Variants in LRRTM4 observed in about 807,000 individuals in gnomAD.
LRRTM4 encodes leucine rich repeat transmembrane neuronal 4, also known as leucine-rich repeat transmembrane neuronal protein 4.
LRRTM4 carries 25 observed loss-of-function variants against 47.6 expected under a neutral mutation model. That is an observed-to-expected ratio of 0.53 (90% CI 0.38 to 0.73). The LOEUF (loss-of-function observed/expected upper bound fraction) is 0.73, where lower values mean the gene tolerates loss of function less well. Among genes scored for constraint, LRRTM4 ranks in the 30% least tolerant of loss-of-function variants. The pLI, the probability that LRRTM4 is intolerant of heterozygous loss-of-function variation, is 0.00. For missense variants in LRRTM4, 638 were observed against 713.4 expected (o/e 0.89, Z 1.20); for synonymous variants, 311 against 269.5 (o/e 1.15, Z -1.51).
chr2:76,839,449 G>A (rs898198903), intron 3 of LRRTM4, among the ~76,000 whole-genome samples: 3 of 152,024 alleles, frequency 2.0e-5, no homozygotes, highest in African/African-American at 7.2e-5. Context: ...CATTACTTTT[G>A]CTATATAGTA....
At chr2:77,277,563 G>A (rs769914237) in intron 3 of LRRTM4, among the ~76,000 whole-genome samples, 13 of 151,948 alleles carry the variant, frequency 8.6e-5, no homozygotes, top group Non-Finnish European at 1.6e-4. Context: ...GAAAGTGAAG[G>A]GGGATATCCT....
chr2:77,477,129 A>G (rs1677431499), intron 3 of LRRTM4, among the ~76,000 whole-genome samples: 2 of 152,152 alleles, frequency 1.3e-5, no homozygotes, highest in South Asian at 4.1e-4. Flanking sequence ...ATAGGAAGAC[A>G]GAGTGTAGAC....
chr2:77,087,986 T>A (rs1263048748), intron 3 of LRRTM4, among the ~76,000 whole-genome samples: 1 of 151,688 alleles, frequency 6.6e-6, no homozygotes, highest in Non-Finnish European at 1.5e-5. Flanking sequence ...ACCCCAGAGA[T>A]GCACAGGTGA....
chr2:76,840,977 T>C (rs1048400272), intron 3 of LRRTM4, among the ~76,000 whole-genome samples: 1 of 151,094 alleles, frequency 6.6e-6, no homozygotes, highest in African/African-American at 2.5e-5. Context: ...CATGCACACG[T>C]ATGTTTATTG....
chr2:77,168,881 T>C (rs557257167), intron 3 of LRRTM4, among the ~76,000 whole-genome samples: 3 of 152,294 alleles, frequency 2.0e-5, no homozygotes, highest in Non-Finnish European at 2.9e-5. Flanking sequence ...TACTCCACCA[T>C]AATCAAGTGA....
chr2:76,748,468 T>C lies in LRRTM4; in HGVS notation c.*227A>G, dbSNP rs1163319784. The stretch of plus-strand genomic sequence containing the variant: ...TCCGGGAGCATTTTTGTTTGTTTTA[T>C]GTTTTAAAGCAAAGAAAGTTCTGCA... On this transcript the variant is annotated 3_prime_UTR_variant, in exon 4 of 4. Coordinates refer to ENST00000409884, the MANE Select transcript of LRRTM4 (RefSeq NM_001134745.3). The C allele has an allele frequency of 1.3e-5, 7 of 558,124 alleles. No individual in the cohort carries two copies. The highest frequency in any genetic ancestry group is 3.3e-5 in the Admixed American group (1 of 29,944). 34.6% of individuals were successfully genotyped at this position (558,124 alleles called of 1,614,324 possible).
At chr2:76,867,734 G>GT (rs1307798415) in intron 3 of LRRTM4, among the ~76,000 whole-genome samples, 5 of 152,030 alleles carry the variant, frequency 3.3e-5, no homozygotes, top group Admixed American at 2.0e-4. Flanking sequence ...GTAAAATAGA[G>GT]TTTTTTATTG....
At chr2:77,090,112 A>C (rs574778533) in intron 3 of LRRTM4, among the ~76,000 whole-genome samples, 1 of 151,558 alleles carries the variant, frequency 6.6e-6, no homozygotes, top group East Asian at 2.0e-4. Flanking sequence ...CTGCTCCTCC[A>C]CCCTATAATC....
intron 3 of LRRTM4, among the ~76,000 whole-genome samples, chr2:76,888,060 T>A (rs993608204): frequency 2.7e-5 from 4 of 150,490 alleles, no homozygotes; most frequent in Non-Finnish European, 4.5e-5. Flanking sequence ...TATATGTGTG[T>A]TTGTATATAT....
chr2:76,762,021 A>T (rs1673273843), intron 3 of LRRTM4, among the ~76,000 whole-genome samples: 1 of 152,194 alleles, frequency 6.6e-6, no homozygotes, highest in African/African-American at 2.4e-5. Flanking sequence ...TACAGAGAAT[A>T]GCTTGCAAAA....
At chr2:77,333,674 G>T (rs1671053290) in intron 3 of LRRTM4, among the ~76,000 whole-genome samples, 1 of 152,140 alleles carries the variant, frequency 6.6e-6, no homozygotes, top group African/African-American at 2.4e-5. Context: ...TTTGAAGCAG[G>T]GGCAGAGCCC....
intron 3 of LRRTM4, among the ~76,000 whole-genome samples, chr2:77,222,810 C>T (rs1221767378): frequency 2.6e-5 from 4 of 152,124 alleles, no homozygotes; most frequent in African/African-American, 9.7e-5. Flanking sequence ...CCTTCTGAAA[C>T]TATTCCAATC....
intron 3 of LRRTM4, among the ~76,000 whole-genome samples, chr2:77,037,600 A>T (rs1443678404): frequency 6.6e-6 from 1 of 151,724 alleles, no homozygotes; most frequent in Non-Finnish European, 1.5e-5. Context: ...ATTGTGTCTC[A>T]TGCAAATAGG....
At chr2:76,792,539 T>A (rs1404221078) in intron 3 of LRRTM4, among the ~76,000 whole-genome samples, 1 of 151,822 alleles carries the variant, frequency 6.6e-6, no homozygotes, top group African/African-American at 2.4e-5. Flanking sequence ...TTCAATCATA[T>A]ACTGATGGCA....
intron 3 of LRRTM4, among the ~76,000 whole-genome samples, chr2:76,916,971 A>G (rs1490636425): frequency 6.6e-6 from 1 of 152,180 alleles, no homozygotes; most frequent in Non-Finnish European, 1.5e-5. Flanking sequence ...ACAGTATGAA[A>G]TTTGTGGCAT....
intron 3 of LRRTM4, among the ~76,000 whole-genome samples, chr2:77,503,868 T>C (rs535299769): frequency 6.6e-6 from 1 of 151,766 alleles, no homozygotes; most frequent in East Asian, 1.9e-4. Flanking sequence ...CAAAGAATTT[T>C]TTAAAAAATT....
At chr2:77,432,809 T>C (rs535564774) in intron 3 of LRRTM4, among the ~76,000 whole-genome samples, 3 of 152,328 alleles carry the variant, frequency 2.0e-5, no homozygotes, top group African/African-American at 7.2e-5. Flanking sequence ...CAGAGTCCTG[T>C]TTCAGTCTAG....
At chr2:77,412,348 A>G (rs1674476197) in intron 3 of LRRTM4, among the ~76,000 whole-genome samples, 1 of 152,160 alleles carries the variant, frequency 6.6e-6, no homozygotes, top group African/African-American at 2.4e-5. Flanking sequence ...CTCTCTTAAT[A>G]TGTTCCATTC....
chr2:77,159,621 T>C (rs535558648), intron 3 of LRRTM4, among the ~76,000 whole-genome samples: 1 of 152,076 alleles, frequency 6.6e-6, no homozygotes, highest in East Asian at 1.9e-4. Flanking sequence ...TCTTCATTCT[T>C]GTCATTTTTA....
Sources: gnomAD v4.1 joint callset for allele counts (sites outside exome capture counted in the v4.1 genomes callset) on GRCh38, gnomAD v4.1.1 for gene constraint, MANE v1.5 for transcripts, NCBI Gene and HGNC (gene_info 2026-07-23, HGNC 2026-07-21) for gene names.